The following IGSF21 variants were observed in gnomAD, a reference collection of about 807,000 sequenced individuals.
IGSF21 encodes the protein immunoglobulin superfamily member 21.
Under a neutral mutation model 46.8 loss-of-function variants are expected in IGSF21, and 28 were observed. The ratio of observed to expected loss-of-function variants is 0.60; its 90% CI spans 0.44 to 0.82. The LOEUF is 0.82. Ranked by LOEUF, IGSF21 falls within the 40% of genes least tolerant of loss-of-function variation. The pLI, the probability that IGSF21 is intolerant of heterozygous loss-of-function variation, is 0.00. For synonymous variants in IGSF21, 284 were observed against 273.6 expected, an observed-to-expected ratio of 1.04 and a Z score of -0.38; for missense variants, 624 against 665.5, an observed-to-expected ratio of 0.94 and a Z score of 0.69.
At chr1:18,329,010 G>A (rs941252192) in intron 3 of IGSF21, among the ~76,000 whole-genome samples, 2 of 152,214 alleles carry the variant, frequency 1.3e-5, no homozygotes, top group Admixed American at 6.5e-5. Flanking sequence ...GTTTCTTCCA[G>A]CAGGGAGAAA....
chr1:18,261,504 G>A (rs1045153402), intron 2 of IGSF21, among the ~76,000 whole-genome samples: 21 of 152,196 alleles, frequency 1.4e-4, no homozygotes, highest in Admixed American at 9.2e-4. Context: ...TGATGACCTG[G>A]AAGTCACCAC....
At chr1:18,269,401 G>C (rs939272626) in intron 2 of IGSF21, among the ~76,000 whole-genome samples, 3 of 152,202 alleles carry the variant, frequency 2.0e-5, no homozygotes, top group Non-Finnish European at 4.4e-5. Flanking sequence ...GTTTGGGGAG[G>C]ACTTGTTGGA....
rs376691956 is a variant in IGSF21 at position 18,376,848 on chromosome 1, C to T, written c.1150C>T (p.Arg384Cys). The T allele has an allele frequency of 1.7e-5, 27 of 1,608,044 alleles. No homozygotes were observed. The Admixed American group carries it at 1.8e-4, about 11-fold the overall frequency. Residue 384 changes from arginine (R) to cysteine (C), a missense_variant, in exon 8 of 10, where the codon CGC becomes TGC. Transcript: ENST00000251296. ...PMFTWTRVGSRLLDGSAEFDG... is the reference protein window; with the variant it reads ...PMFTWTRVGSCLLDGSAEFDG... ...GTTCACGTGGACGCGGGTTGGGAGCCGCCTCCTGGACGGCAGCGCTGAGTT... is the reference window on the plus strand; with the variant it reads ...GTTCACGTGGACGCGGGTTGGGAGCTGCCTCCTGGACGGCAGCGCTGAGTT...
At chr1:18,373,896 T>C (rs995471770) in intron 6 of IGSF21, among the ~76,000 whole-genome samples, 3 of 152,212 alleles carry the variant, frequency 2.0e-5, no homozygotes, top group Non-Finnish European at 4.4e-5. Flanking sequence ...GTCTAGCGCA[T>C]GTTTGACACC....
chr1:18,366,962 G>T (rs925257998), intron 6 of IGSF21, among the ~76,000 whole-genome samples: 3 of 152,194 alleles, frequency 2.0e-5, no homozygotes, highest in African/African-American at 7.2e-5. Context: ...GTATGGACTG[G>T]GTGGGCGAGG....
intron 1 of IGSF21, chr1:18,115,842 GAAGAAAGAAAGAAAGAAAGA>G (rs1175457174): frequency 1.1e-5 from 1 of 87,770 alleles, no homozygotes. Context: ...AGGAAGGAAG[GAAGAAAGAAAGAAAGAAAGA>G]AAGAAAGAAA....
chr1:18,244,343 C>A (rs1163015076), intron 2 of IGSF21, among the ~76,000 whole-genome samples: 1 of 152,228 alleles, frequency 6.6e-6, no homozygotes, highest in African/African-American at 2.4e-5. Context: ...CTCCCTCTCC[C>A]TTTCCAGCAT....
At chr1:18,201,797 C>T (rs1369156992) in intron 1 of IGSF21, among the ~76,000 whole-genome samples, 4 of 152,198 alleles carry the variant, frequency 2.6e-5, no homozygotes, top group Admixed American at 2.6e-4. Flanking sequence ...CTGAGCTGTA[C>T]TGATAGAACA....
Position 18,365,124 on chromosome 1 carries a change from G to C in IGSF21, c.541-99G>C. 1 of 888,950 alleles carries C rather than the reference G, an allele frequency of 1.1e-6. No homozygotes were observed. Among genetic ancestry groups the C allele is most frequent in the Non-Finnish European group, 1.8e-6 (1 of 557,948 alleles). The allele number at this position is 888,950 out of a possible 1,614,324, so 55.1% of individuals were successfully genotyped here. On this transcript the variant is annotated intron_variant, in intron 5 of 9. Transcript: ENST00000251296. This position sits in a 1 kb window ranked among gnomAD's most constrained non-coding sequence, Gnocchi z 4.8. ...CTACTGTCTAGACTACTATGCTCTG[G>C]AAGAACTGGCATCCTGTGCCCAGTT...
chr1:18,109,538 A>T lies in IGSF21; in HGVS notation c.70+1340A>T, dbSNP rs2086123452. On this transcript the variant is annotated intron_variant, in intron 1 of 9. Transcript: ENST00000251296. This position sits in a 1 kb window ranked among gnomAD's most constrained non-coding sequence, Gnocchi z 4.8. The stretch of plus-strand genomic sequence containing the variant: ...GGGTGCCCCCTTAAAAATAACCCCA[A>T]CTCCTTCTACCCCGAAGTCCTTGGG... 2.0e-5 allele frequency: 3 copies of T among 151,706 alleles called. No homozygotes were observed. Among genetic ancestry groups the T allele is most frequent in the Non-Finnish European group, 4.4e-5 (3 of 68,020 alleles). 9.4% of individuals were successfully genotyped at this position (151,706 alleles called of 1,614,324 possible).
At chr1:18,143,254 C>A (rs962104662) in intron 1 of IGSF21, among the ~76,000 whole-genome samples, 1 of 152,132 alleles carries the variant, frequency 6.6e-6, no homozygotes, top group South Asian at 2.1e-4. Flanking sequence ...GCTCAGGATG[C>A]GGAGCTTCAG....
At chr1:18,376,517 G>A in intron 7 of IGSF21, 122 bp downstream of exon 7, 3 of 812,020 alleles carry the variant, frequency 3.7e-6, no homozygotes, top group South Asian at 2.9e-5. Flanking sequence ...CATCCAGTGG[G>A]TTTCAGTTTC....
intron 5 of IGSF21, 148 bp downstream of exon 5, chr1:18,362,378 G>T (rs774555934): frequency 1.9e-4 from 119 of 623,806 alleles, no homozygotes; most frequent in Non-Finnish European, 3.2e-4. Context: ...GTCTGATCCC[G>T]TTTACCCATT....
chr1:18,244,641 CA>C (rs905521771), intron 2 of IGSF21, among the ~76,000 whole-genome samples: 1 of 152,198 alleles, frequency 6.6e-6, no homozygotes, highest in African/African-American at 2.4e-5. Context: ...CTCTGTGTCT[CA>C]GGCCTGGTGC....
intron 3 of IGSF21, among the ~76,000 whole-genome samples, chr1:18,327,808 A>G (rs2085672212): frequency 6.6e-6 from 1 of 152,172 alleles, no homozygotes; most frequent in Non-Finnish European, 1.5e-5. Context: ...GATTGTGGCA[A>G]TGGTCTCAAT....
At chr1:18,115,876 AG>A (rs1397329134) in intron 1 of IGSF21, 1 of 116,828 alleles carries the variant, frequency 8.6e-6, no homozygotes, top group African/African-American at 3.1e-5. Context: ...AAAGAAAGAA[AG>A]AAAGAAAGAA....
intron 1 of IGSF21, among the ~76,000 whole-genome samples, chr1:18,125,824 TG>T (rs1049267145): frequency 1.8e-4 from 27 of 152,098 alleles, no homozygotes; most frequent in Non-Finnish European, 4.4e-5. Context: ...TGGTGAAGTG[TG>T]GGGGTTCAGG....
intron 1 of IGSF21, among the ~76,000 whole-genome samples, chr1:18,129,660 C>T (rs1237984046): frequency 6.6e-6 from 1 of 152,172 alleles, no homozygotes; most frequent in Admixed American, 6.5e-5. Flanking sequence ...GGTGCAGTCT[C>T]GTATCGACCC....
At chr1:18,202,352 G>A (rs1275974694) in intron 1 of IGSF21, among the ~76,000 whole-genome samples, 3 of 152,068 alleles carry the variant, frequency 2.0e-5, no homozygotes, top group South Asian at 2.1e-4. Context: ...GTCTTTCCTT[G>A]GGTTACCACC....
Sources: allele counts gnomAD v4.1 joint callset (sites outside exome capture counted in the v4.1 genomes callset), GRCh38; gene constraint gnomAD v4.1.1; non-coding constraint Gnocchi (gnomAD v3.1); transcripts MANE v1.5; gene names NCBI Gene and HGNC (gene_info 2026-07-23, HGNC 2026-07-21).